The following LIFR variants were observed in gnomAD, a reference collection of about 807,000 sequenced individuals.
LIFR encodes the protein leukemia inhibitory factor receptor.
A neutral mutation model predicts 122.2 loss-of-function variants in LIFR; 84 were observed. The observed-to-expected ratio is 0.69, with a 90% CI of 0.58 to 0.82. The LOEUF (loss-of-function observed/expected upper bound fraction) is 0.82. Ranked by LOEUF, LIFR falls within the 40% of genes least tolerant of loss-of-function variation. The pLI is 0.00. For synonymous variants in LIFR, 422 were observed against 434.7 expected (o/e 0.97, Z 0.36); for missense variants, 1,294 against 1,311.6 (o/e 0.99, Z 0.21).
chr5:38,493,535 C>A, intron 14 of LIFR, 71 bp downstream of exon 14: 1 of 1,403,586 alleles, frequency 7.1e-7, no homozygotes, highest in Non-Finnish European at 1.0e-6. Context: ...CACTTCACTG[C>A]ACCCAGTCTT....
At chr5:38,545,007 TG>T (rs1395277327) in intron 1 of LIFR, among the ~76,000 whole-genome samples, 1 of 152,240 alleles carries the variant, frequency 6.6e-6, no homozygotes, top group Non-Finnish European at 1.5e-5. Context: ...CAGTGGCTCA[TG>T]CCTATAATCC....
intron 12 of LIFR, among the ~76,000 whole-genome samples, chr5:38,498,829 G>T (rs1693265313): frequency 6.6e-6 from 1 of 152,106 alleles, no homozygotes; most frequent in African/African-American, 2.4e-5. Flanking sequence ...CATTGAACCT[G>T]CATGTACACT....
chr5:38,560,813 G>C (rs771397706), upstream of LIFR, among the ~76,000 whole-genome samples: 3 of 151,910 alleles, frequency 2.0e-5, no homozygotes, highest in Admixed American at 1.3e-4. Flanking sequence ...GGCCAGGCTG[G>C]TCTTGAACTC....
At chr5:38,533,506 T>G (rs943055112) in intron 1 of LIFR, among the ~76,000 whole-genome samples, 1 of 152,208 alleles carries the variant, frequency 6.6e-6, no homozygotes, top group Non-Finnish European at 1.5e-5. Flanking sequence ...CACATGTACT[T>G]TGACTTGTAT....
chr5:38,523,712 A>ACAATTTGCATTCTAGTCTC, intron 4 of LIFR, 130 bp from the exon 5 acceptor site: 1 of 775,916 alleles, frequency 1.3e-6, no homozygotes. Context: ...CAAGATTTAA[A>ACAATTTGCATTCTAGTCTC]AGGAAACTCT....
At chr5:38,523,897 T>C (rs1004146583) in intron 4 of LIFR, among the ~76,000 whole-genome samples, 8 of 152,196 alleles carry the variant, frequency 5.3e-5, no homozygotes, top group African/African-American at 1.9e-4. Context: ...TATTATTTAT[T>C]TGTAGAGGCA....
chr5:38,530,522 T>C lies in LIFR; in HGVS notation c.126A>G (p.Val42=). 1 of 1,612,912 alleles carries C rather than the reference T, an allele frequency of 6.2e-7. No individual in the cohort carries two copies. Among genetic ancestry groups the C allele is most frequent in the East Asian group, 2.2e-5 (1 of 44,856 alleles). ...TFILLYLMNQ[V]NSQKKGAPHD... ...TGCACTTACCCTTTTTCTGGCTATT[T>C]ACTTGATTCATTAGATATAGAAGAA... is the stretch of plus-strand genomic sequence containing the variant. The change falls in exon 2 of 20, where the codon GTA becomes GTG. Residue 42 remains valine (V), a synonymous_variant. Coordinates refer to ENST00000453190, the MANE Select transcript of LIFR (RefSeq NM_001127671.2).
intron 1 of LIFR, among the ~76,000 whole-genome samples, chr5:38,550,716 G>C (rs1209970902): frequency 2.0e-5 from 3 of 152,066 alleles, no homozygotes; most frequent in African/African-American, 7.2e-5. Context: ...GGTAAATCTC[G>C]CAAAAGTTCC....
Position 38,506,127 on chromosome 5 carries a change from G to GA in LIFR, c.1122-54dup, listed in dbSNP as rs987650320. ...AAATGGCAAGAGATAAATATTGCAG[G>GA]AAAAAACGGGCAAATTCGTAATACT... On this transcript the variant is annotated intron_variant, in intron 8 of 19. Coordinates refer to ENST00000453190, the MANE Select transcript of LIFR (RefSeq NM_001127671.2). The GA allele has an allele frequency of 2.1e-5, 25 of 1,204,964 alleles. No homozygotes were observed. In the Admixed American group the frequency reaches 4.7e-4, roughly 23 times the overall value. The allele number at this position is 1,204,964 out of a possible 1,614,324, so 74.6% of individuals were successfully genotyped here.
chr5:38,595,883 G>C (rs576545453), upstream of LIFR, among the ~76,000 whole-genome samples: 2 of 151,242 alleles, frequency 1.3e-5, no homozygotes, highest in South Asian at 2.1e-4. Flanking sequence ...CAAGGCGCCC[G>C]CCACCGCGCC....
At position 38,478,464 on chromosome 5, in the gene LIFR, G is replaced by C. The variant is rs1215603093; in HGVS notation, c.*3131C>G. 4 of 213,776 alleles carry C rather than the reference G, an allele frequency of 1.9e-5. No homozygotes were observed. The highest frequency in any genetic ancestry group is 6.8e-5 in the African/African-American group (3 of 44,156). 13.2% of individuals were successfully genotyped at this position (213,776 alleles called of 1,614,324 possible). The stretch of plus-strand genomic sequence containing the variant: ...CAACTCAACTATCCAGATACTCAGG[G>C]CCACAATCTCAAATCTAGGGCTGTA... On this transcript the variant is annotated 3_prime_UTR_variant, in exon 20 of 20. Transcript: ENST00000453190.
intron 5 of LIFR, among the ~76,000 whole-genome samples, chr5:38,517,722 T>C (rs144570434): frequency 0.03 from 4,615 of 151,342 alleles, 271 homozygotes; most frequent in African/African-American, 0.11. Context: ...TCGGGCGTGG[T>C]GGCATGTGCC....
In LIFR at chr5:38,527,371, A is replaced by G. The variant is rs543746904; in HGVS notation, c.258-77T>C. 286 of 928,056 alleles carry G rather than the reference A, an allele frequency of 3.1e-4. 2 individuals carry two copies. The South Asian group carries it at 4.1e-3, about 13-fold the overall frequency. 57.5% of individuals were successfully genotyped at this position (928,056 alleles called of 1,614,324 possible). ...TTCATAAAAATTTGGTTAACACAAA[A>G]TACAATGGAAAATACTTTATGCCCT... On this transcript the variant is annotated intron_variant, in intron 3 of 19. Transcript: ENST00000453190.
chr5:38,539,094 G>A (rs959842323), intron 1 of LIFR, among the ~76,000 whole-genome samples: 2 of 152,116 alleles, frequency 1.3e-5, no homozygotes, highest in African/African-American at 4.8e-5. Context: ...CCGAGTAGCT[G>A]GGACTACAGG....
rs189675573 is a variant in LIFR, at chr5:38,490,939, T to C, written c.2066-648A>G. Among the ~76,000 whole-genome samples the C allele has an allele frequency of 7.5e-4, 114 of 152,254 alleles. 1 individual carries two copies. Among genetic ancestry groups the C allele is most frequent in the Admixed American group, 1.5e-3 (23 of 15,296 alleles). On this transcript the variant is annotated intron_variant, in intron 14 of 19. Transcript: ENST00000453190. ...CTGGGTCAGTTCACTAAGCCATTCA[T>C]TCGAGGTCCACATCATGCCTCTATA... is the stretch of plus-strand genomic sequence containing the variant.
chr5:38,544,288 G>A (rs867399488), intron 1 of LIFR, among the ~76,000 whole-genome samples: 2 of 152,000 alleles, frequency 1.3e-5, no homozygotes, highest in Non-Finnish European at 2.9e-5. Flanking sequence ...GTTTAAAACC[G>A]TCTAGTGGAT....
intron 11 of LIFR, among the ~76,000 whole-genome samples, chr5:38,501,951 A>C (rs1207607084): frequency 6.6e-6 from 1 of 151,374 alleles, no homozygotes; most frequent in Non-Finnish European, 1.5e-5. Context: ...GTCACAAATA[A>C]AAACTAACAA....
At chr5:38,496,147 C>A (rs992725729) in intron 13 of LIFR, among the ~76,000 whole-genome samples, 2 of 152,160 alleles carry the variant, frequency 1.3e-5, no homozygotes, top group Non-Finnish European at 2.9e-5. Context: ...CCAATATTAT[C>A]CACTATAGTT....
intron 18 of LIFR, among the ~76,000 whole-genome samples, chr5:38,484,039 C>T (rs1253820976): frequency 1.3e-5 from 2 of 152,194 alleles, no homozygotes; most frequent in Non-Finnish European, 2.9e-5. Context: ...ACAGCTCCTC[C>T]CACTTTCTCT....
Sources: allele counts gnomAD v4.1 joint callset (sites outside exome capture counted in the v4.1 genomes callset), GRCh38; gene constraint gnomAD v4.1.1; transcripts MANE v1.5; gene names NCBI Gene and HGNC (gene_info 2026-07-23, HGNC 2026-07-21).